ANK3: variants seen among roughly 807,000 people sequenced by gnomAD.
The protein encoded by ANK3 is ankyrin 3, also known as ankyrin-3.
In ANK3, 57 loss-of-function variants were observed where a neutral mutation model predicts 370.9. The observed-to-expected ratio is 0.15, with a 90% CI of 0.12 to 0.19. The LOEUF (loss-of-function observed/expected upper bound fraction) is 0.19, where lower values mean the gene tolerates loss of function less well. Among genes scored for constraint, ANK3 ranks in the 10% least tolerant of loss-of-function variants. The probability of loss-of-function intolerance (pLI) is 1.00; values close to 1 mark genes in which losing one functional copy is unlikely to be tolerated. For synonymous variants in ANK3, 1,929 were observed against 1,946.3 expected (o/e 0.99, Z 0.23); for missense variants, 4,439 against 5,302.1 (o/e 0.84, Z 5.06).
chr10:60,550,934 C>T (rs2077075121), intron 2 of ANK3, among the ~76,000 whole-genome samples: 1 of 152,066 alleles, frequency 6.6e-6, no homozygotes, highest in South Asian at 2.1e-4. Context: ...AGGAGTGAGG[C>T]TTCCATCACT....
chr10:60,632,888 C>CA (rs1431396601), intron 1 of ANK3, among the ~76,000 whole-genome samples: 2 of 115,684 alleles, frequency 1.7e-5, no homozygotes, highest in Admixed American at 2.0e-4. Context: ...TCTTCAAAAA[C>CA]AAAAAAATAA....
intron 1 of ANK3, among the ~76,000 whole-genome samples, chr10:60,728,293 A>T (rs1448198729): frequency 2.0e-5 from 3 of 152,184 alleles, no homozygotes; most frequent in African/African-American, 7.2e-5. Flanking sequence ...TGAGTGTTCA[A>T]TTACCAGCCG....
intron 12 of ANK3, among the ~76,000 whole-genome samples, chr10:60,201,188 T>C (rs561278508): frequency 6.6e-6 from 1 of 152,344 alleles, no homozygotes; most frequent in East Asian, 1.9e-4. Flanking sequence ...TGTCATTTAG[T>C]ATATTACTCA....
At chr10:60,720,615 G>T (rs771863625) in intron 1 of ANK3, among the ~76,000 whole-genome samples, 1 of 152,056 alleles carries the variant, frequency 6.6e-6, no homozygotes, top group Non-Finnish European at 1.5e-5. Flanking sequence ...AAGGTTTTCT[G>T]TTTGTTTTCA....
intron 1 of ANK3, among the ~76,000 whole-genome samples, chr10:60,633,678 A>G (rs933768284): frequency 2.0e-5 from 3 of 152,202 alleles, no homozygotes; most frequent in Admixed American, 1.3e-4. Flanking sequence ...AGGTCAGGAC[A>G]TTGGGTAAGG....
intron 12 of ANK3, among the ~76,000 whole-genome samples, chr10:60,202,730 G>C (rs1272052851): frequency 6.6e-6 from 1 of 151,972 alleles, no homozygotes; most frequent in Non-Finnish European, 1.5e-5. Context: ...AAAATAGTGA[G>C]GCCCCCGTCT....
intron 1 of ANK3, among the ~76,000 whole-genome samples, chr10:60,727,646 T>A (rs192983131): frequency 6.6e-6 from 1 of 152,268 alleles, no homozygotes; most frequent in Admixed American, 6.5e-5. Flanking sequence ...TAACTTGACA[T>A]CCTTAGAAAC....
chr10:60,487,865 C>G (rs2133113919), intron 2 of ANK3, among the ~76,000 whole-genome samples: 1 of 152,202 alleles, frequency 6.6e-6, no homozygotes, highest in Non-Finnish European at 1.5e-5. Context: ...CAGGCATGCT[C>G]CACCATGCCT....
chr10:60,211,944 C>T (rs150594567), intron 9 of ANK3, among the ~76,000 whole-genome samples: 1 of 137,652 alleles, frequency 7.3e-6, no homozygotes, highest in African/African-American at 2.7e-5. Flanking sequence ...GAATTAGGGA[C>T]ATTTGGGAAA....
chr10:60,476,967 G>A (rs145013255), intron 2 of ANK3, among the ~76,000 whole-genome samples: 16 of 152,088 alleles, frequency 1.1e-4, no homozygotes, highest in Non-Finnish European at 2.1e-4. Flanking sequence ...TTCCAGCTTC[G>A]AAATTGCTAA....
At chr10:60,240,306 ATTT>A (rs1555186003) in intron 7 of ANK3, among the ~76,000 whole-genome samples, 13 of 119,754 alleles carry the variant, frequency 1.1e-4, no homozygotes, top group African/African-American at 4.1e-4. Context: ...ATATATATAT[ATTT>A]TTTTTTCTTT....
intron 1 of ANK3, among the ~76,000 whole-genome samples, chr10:60,690,752 C>T (rs1035245630): frequency 2.0e-5 from 3 of 152,142 alleles, no homozygotes; most frequent in Non-Finnish European, 4.4e-5. Context: ...GACCTACCAC[C>T]TCCTTTGAGT....
chr10:60,149,156 C>T (rs2094969044), intron 23 of ANK3, among the ~76,000 whole-genome samples: 2 of 152,316 alleles, frequency 1.3e-5, no homozygotes, highest in South Asian at 4.1e-4. Flanking sequence ...GAGATGTGTA[C>T]ACACAAGGCA....
intron 1 of ANK3, among the ~76,000 whole-genome samples, chr10:60,296,639 T>C (rs1044906038): frequency 3.9e-5 from 6 of 152,216 alleles, no homozygotes; most frequent in Non-Finnish European, 8.8e-5. Flanking sequence ...ATACATATTA[T>C]ATTCCAGGTT....
At chr10:60,129,699 G>A (rs1482971915) in intron 25 of ANK3, among the ~76,000 whole-genome samples, 1 of 152,168 alleles carries the variant, frequency 6.6e-6, no homozygotes, top group Non-Finnish European at 1.5e-5. Flanking sequence ...GTTGCAGTGA[G>A]CTGAGATCAC....
intron 2 of ANK3, among the ~76,000 whole-genome samples, chr10:60,458,061 C>G (rs2064793299): frequency 2.0e-5 from 3 of 152,042 alleles, no homozygotes; most frequent in African/African-American, 7.2e-5. Flanking sequence ...ATGGAAAGTG[C>G]CTTCAGCTAT....
chr10:60,262,022 T>C, intron 6 of ANK3, 65 bp from the exon 7 acceptor site: 1 of 1,358,594 alleles, frequency 7.4e-7, no homozygotes. Context: ...CAGGCAAATA[T>C]CATAACCCTG....
chr10:60,468,780 T>C (rs116483413), intron 2 of ANK3, among the ~76,000 whole-genome samples: 38 of 151,844 alleles, frequency 2.5e-4, no homozygotes, highest in African/African-American at 9.2e-4. Context: ...TATCACTCAA[T>C]ATACACTGGT....
chr10:60,200,400 A>G (rs1304455246), intron 12 of ANK3, 173 bp from the exon 13 acceptor site: 3 of 657,786 alleles, frequency 4.6e-6, no homozygotes, highest in African/African-American at 3.6e-5. Flanking sequence ...AACCTGGTCC[A>G]TGAGGCAAAG....
Sources: gnomAD v4.1 joint callset for allele counts (sites outside exome capture counted in the v4.1 genomes callset) on GRCh38, gnomAD v4.1.1 for gene constraint, MANE v1.5 for transcripts, NCBI Gene and HGNC (gene_info 2026-07-23, HGNC 2026-07-21) for gene names.